The following SOX5 variants were observed in gnomAD, a reference collection of about 807,000 sequenced individuals.
SOX5 encodes SRY-box transcription factor 5, also known as transcription factor SOX-5.
Under a neutral mutation model 92.0 loss-of-function variants are expected in SOX5, and 9 were observed. That is an observed-to-expected ratio of 0.10 (90% CI 0.06 to 0.17). The LOEUF (loss-of-function observed/expected upper bound fraction) is 0.17, where lower values mean the gene tolerates loss of function less well. Among genes scored for constraint, SOX5 ranks in the 10% least tolerant of loss-of-function variants. SOX5 has a pLI of 1.00. For missense variants in SOX5, 642 were observed against 944.5 expected (o/e 0.68, Z 4.20); for synonymous variants, 344 against 336.3 (o/e 1.02, Z -0.25).
At chr12:24,531,940 G>C (rs1449286989) in intron 1 of SOX5, among the ~76,000 whole-genome samples, 1 of 152,140 alleles carries the variant, frequency 6.6e-6, no homozygotes, top group African/African-American at 2.4e-5. Context: ...GCAGGACAGA[G>C]AAAGACCTCA....
At chr12:23,683,785 T>C (rs2087043624) in intron 6 of SOX5, among the ~76,000 whole-genome samples, 1 of 152,036 alleles carries the variant, frequency 6.6e-6, no homozygotes, top group Admixed American at 6.6e-5. Context: ...ACAGTTTTCT[T>C]AATCAATCAT....
chr12:24,057,883 A>C (rs1408929473), intron 4 of SOX5, among the ~76,000 whole-genome samples: 1 of 152,240 alleles, frequency 6.6e-6, no homozygotes, highest in East Asian at 1.9e-4. Context: ...CTGGTGTAAA[A>C]TCTTGAAATT....
chr12:24,161,704 A>G (rs1413442267), intron 4 of SOX5, among the ~76,000 whole-genome samples: 17 of 152,118 alleles, frequency 1.1e-4, no homozygotes, highest in Admixed American at 7.9e-4. Flanking sequence ...GTCATGGCTC[A>G]TAATTTAAAT....
chr12:23,990,104 G>T (rs901516779), intron 4 of SOX5, among the ~76,000 whole-genome samples: 2 of 152,006 alleles, frequency 1.3e-5, no homozygotes, highest in Non-Finnish European at 2.9e-5. Flanking sequence ...GATATAAAAA[G>T]GAAGGAAGGA....
At chr12:23,551,146 A>G (rs2136152238) in intron 11 of SOX5, among the ~76,000 whole-genome samples, 1 of 152,070 alleles carries the variant, frequency 6.6e-6, no homozygotes, top group South Asian at 2.1e-4. Context: ...TCAAATGTTG[A>G]CTCAGTAACA....
intron 3 of SOX5, among the ~76,000 whole-genome samples, chr12:24,259,263 C>T (rs371145516): frequency 6.6e-6 from 1 of 152,228 alleles, no homozygotes; most frequent in East Asian, 1.9e-4. Flanking sequence ...AGAGCGCGCA[C>T]ATGGTTTTGC....
chr12:23,640,816 A>C lies in SOX5; in HGVS notation c.1013T>G (p.Leu338Arg). The change falls in exon 8 of 15, where the codon CTG becomes CGG. Residue 338 changes from leucine (L) to arginine (R), a missense_variant. By Grantham distance (102) the Leu-to-Arg change is moderately radical. Around this residue, in one of 8 missense-constraint regions of SOX5, gnomAD observed 324 missense variants for 461.6 expected, o/e 0.70. Coordinates refer to ENST00000451604, the MANE Select transcript of SOX5 (RefSeq NM_006940.6). ...CTGTATTGTTTCCTGACTTACCTGCAGTTGGAGTGGGCCTAAGCCTGGTGT... is the reference window on the plus strand; with the variant it reads ...CTGTATTGTTTCCTGACTTACCTGCCGTTGGAGTGGGCCTAAGCCTGGTGT... ...AATPGLGPLQLQQLYAAQLAA... is the reference protein window; with the variant it reads ...AATPGLGPLQRQQLYAAQLAA... 6.2e-7 allele frequency: 1 copy of C among 1,611,996 alleles called. No homozygotes were observed.
At chr12:24,014,499 CAT>C (rs1482460213) in intron 4 of SOX5, among the ~76,000 whole-genome samples, 6 of 152,182 alleles carry the variant, frequency 3.9e-5, no homozygotes, top group Non-Finnish European at 5.9e-5. Context: ...CAGCACCACA[CAT>C]GTCTGAACGA....
intron 1 of SOX5, among the ~76,000 whole-genome samples, chr12:24,434,685 A>T (rs1566154620): frequency 6.6e-6 from 1 of 152,164 alleles, no homozygotes; most frequent in East Asian, 1.9e-4. Flanking sequence ...CTGGTTGTTT[A>T]AAAGTATATG....
At position 23,756,230 on chromosome 12, in the gene SOX5, G is replaced by A. The variant is rs201776536; in HGVS notation, c.482-506C>T. Among the ~76,000 whole-genome samples, 27 of 141,366 alleles carry A rather than the reference G, an allele frequency of 1.9e-4. No homozygotes were observed. In the East Asian group the frequency reaches 4.1e-3, roughly 22 times the overall value. 92.7% of individuals were successfully genotyped at this position (141,366 alleles called of 152,430 possible). A position where few individuals can be genotyped will look rare whatever the true frequency, so the allele number is the denominator to read the frequency against. ...CTGTGGTAAGATTTGCCAGTACTGC[G>A]AACATAAAAAAAAACAAAAAAAAAA... On this transcript the variant is annotated intron_variant, in intron 3 of 14. Coordinates refer to ENST00000451604, the MANE Select transcript of SOX5 (RefSeq NM_006940.6).
At chr12:23,916,150 G>A (rs2097413947) in intron 1 of SOX5, among the ~76,000 whole-genome samples, 1 of 152,178 alleles carries the variant, frequency 6.6e-6, no homozygotes, top group Admixed American at 6.5e-5. Context: ...TTTAGCTACT[G>A]AAATAGTTGA....
intron 1 of SOX5, among the ~76,000 whole-genome samples, chr12:24,428,961 A>G (rs1020199758): frequency 2.9e-4 from 44 of 152,070 alleles, no homozygotes; most frequent in African/African-American, 1.0e-3. Context: ...GACAAGATAA[A>G]TAACCTTTCT....
At chr12:23,960,522 T>C (rs1294404440) in intron 4 of SOX5, among the ~76,000 whole-genome samples, 1 of 69,924 alleles carries the variant, frequency 1.4e-5, no homozygotes, top group South Asian at 4.8e-4. Context: ...TACATATATA[T>C]ATATATACAT....
At chr12:24,445,463 T>C (rs376013037) in intron 1 of SOX5, among the ~76,000 whole-genome samples, 10 of 152,304 alleles carry the variant, frequency 6.6e-5, no homozygotes, top group African/African-American at 2.4e-4. Context: ...ATTAGACAGA[T>C]GACTTTTGAA....
chr12:23,854,399 C>T (rs146785557), intron 2 of SOX5, among the ~76,000 whole-genome samples: 35 of 152,076 alleles, frequency 2.3e-4, no homozygotes, highest in African/African-American at 8.4e-4. Flanking sequence ...ATATTTGGGT[C>T]AAGGACAGGC....
intron 6 of SOX5, among the ~76,000 whole-genome samples, chr12:23,673,719 A>C (rs937182385): frequency 6.9e-6 from 1 of 144,772 alleles, no homozygotes; most frequent in South Asian, 2.3e-4. Flanking sequence ...ATTTCAGTTC[A>C]ACATAAGTTC....
At chr12:23,562,609 T>G (rs1199374486) in intron 11 of SOX5, among the ~76,000 whole-genome samples, 1 of 152,236 alleles carries the variant, frequency 6.6e-6, no homozygotes, top group Non-Finnish European at 1.5e-5. Context: ...CTGAGGATTT[T>G]ACAACTTATA....
At chr12:24,248,661 G>A (rs1341948135) in intron 3 of SOX5, among the ~76,000 whole-genome samples, 3 of 152,052 alleles carry the variant, frequency 2.0e-5, no homozygotes, top group Non-Finnish European at 2.9e-5. Context: ...CTGAGATTAC[G>A]GGTGTAAGTC....
intron 2 of SOX5, among the ~76,000 whole-genome samples, chr12:23,884,741 C>T (rs886906646): frequency 6.6e-6 from 1 of 152,184 alleles, no homozygotes; most frequent in African/African-American, 2.4e-5. Context: ...GTCATTTTAA[C>T]TATCCAAGAA....
Sources: gnomAD v4.1 joint callset for allele counts (sites outside exome capture counted in the v4.1 genomes callset) on GRCh38, gnomAD v4.1.1 for gene constraint, gnomAD v4.1.1 regional missense constraint, MANE v1.5 for transcripts, NCBI Gene and HGNC (gene_info 2026-07-23, HGNC 2026-07-21) for gene names.